CYP3A5: variants seen among roughly 807,000 people sequenced by gnomAD.
CYP3A5 encodes cytochrome P450 family 3 subfamily A member 5, also known as cytochrome P450 3A5.
CYP3A5 carries 51 observed loss-of-function variants against 55.9 expected under a neutral mutation model. The ratio of observed to expected loss-of-function variants is 0.91; its 90% confidence interval spans 0.73 to 1.15. The LOEUF (loss-of-function observed/expected upper bound fraction) is 1.15, where lower values mean the gene tolerates loss of function less well. Ranked by LOEUF, CYP3A5 falls within the 50% of genes most tolerant of loss-of-function variation. The pLI is 0.00. For missense variants in CYP3A5, 533 were observed against 596.6 expected (o/e 0.89, Z 1.11); for synonymous variants, 196 against 213.9 (o/e 0.92, Z 0.73).
At chr7:99,676,659 G>T in intron 1 of CYP3A5, 1 of 775,660 alleles carries the variant, frequency 1.3e-6, no homozygotes, top group South Asian at 1.3e-5. Context: ...ATCACAGAGG[G>T]TCACTGGGAG....
intron 12 of CYP3A5, 141 bp from the exon 13 acceptor site, chr7:99,648,541 C>A: frequency 1.7e-6 from 1 of 571,598 alleles, no homozygotes; most frequent in South Asian, 2.5e-5. Flanking sequence ...TTGAACTCTT[C>A]ATACTTAATC....
chr7:99,663,308 T>TG, intron 8 of CYP3A5: 1 of 994,528 alleles, frequency 1.0e-6, no homozygotes, highest in Non-Finnish European at 1.2e-6. Context: ...GCAGCTTTTT[T>TG]GGGGGAGCAT....
rs779681386 is a variant in CYP3A5 at position 99,667,012 on chromosome 7, T to G, written c.372A>C (p.Glu124Asp). The G allele has an allele frequency of 1.2e-6, 2 of 1,614,170 alleles. No homozygotes were observed. Among genetic ancestry groups the G allele is most frequent in the East Asian group, 2.2e-5 (1 of 44,884 alleles). ...MKSAISLAEDEEWKRIRSLLS... is the reference protein window; with the variant it reads ...MKSAISLAEDDEWKRIRSLLS... ...GCAATGACCGTATTCTCTTCCATTC[T>G]TCATCCTCAGCTAAAGAGATGGCAC... Residue 124 changes from glutamate to aspartate, a missense_variant, in exon 5 of 13, where the codon GAA becomes GAC. Physicochemically the swap from Glu to Asp is conservative, Grantham distance 45. Coordinates refer to ENST00000222982, the MANE Select transcript of CYP3A5 (RefSeq NM_000777.5).
intron 4 of CYP3A5, among the ~76,000 whole-genome samples, chr7:99,667,680 C>G (rs1811176594): frequency 6.6e-6 from 1 of 152,126 alleles, no homozygotes; most frequent in Non-Finnish European, 1.5e-5. Context: ...ACTATCAAGC[C>G]AGCATGCTTG....
chr7:99,656,107 C>T (rs1223142620), intron 10 of CYP3A5, among the ~76,000 whole-genome samples: 1 of 152,158 alleles, frequency 6.6e-6, no homozygotes, highest in African/African-American at 2.4e-5. Context: ...CCAGAACTTC[C>T]AACACTATGT....
chr7:99,660,804 G>T (rs1810364052), intron 9 of CYP3A5, 145 bp from the exon 10 acceptor site: 1 of 951,446 alleles, frequency 1.1e-6, no homozygotes, highest in Non-Finnish European at 1.5e-6. Context: ...TTTTCATTCT[G>T]ATATGTATCT....
In CYP3A5 at chr7:99,677,843, C is replaced by A. The variant is rs767024128; in HGVS notation, c.72-1635G>T. On this transcript the variant is annotated intron_variant, in intron 1 of 12. Coordinates refer to ENST00000222982, the MANE Select transcript of CYP3A5 (RefSeq NM_000777.5). ...CCTGAACTTTAAACACATTACCTGA[C>A]CTCTCAGGTGAGGACAAGCTATTGA... Among the ~76,000 whole-genome samples the A allele has an allele frequency of 5.9e-5, 9 of 152,306 alleles. No homozygotes were observed. In the South Asian group the frequency reaches 1.7e-3, roughly 28 times the overall value.
chr7:99,664,953 G>A (rs1159173744), intron 7 of CYP3A5, among the ~76,000 whole-genome samples: 1 of 152,140 alleles, frequency 6.6e-6, no homozygotes, highest in African/African-American at 2.4e-5. Context: ...AGGGCAGTGG[G>A]GTTTGTGGTG....
At chr7:99,677,185 T>A in intron 1 of CYP3A5, 1 of 985,414 alleles carries the variant, frequency 1.0e-6, no homozygotes, top group Non-Finnish European at 1.2e-6. Flanking sequence ...CTCCAACTGA[T>A]GGTTCTGGAT....
At chr7:99,679,597 C>T (rs1387619519) in intron 1 of CYP3A5, among the ~76,000 whole-genome samples, 1 of 152,136 alleles carries the variant, frequency 6.6e-6, no homozygotes, top group Non-Finnish European at 1.5e-5. Flanking sequence ...AATGCTGTCC[C>T]TAAACCCTCC....
chr7:99,663,815 C>A, intron 8 of CYP3A5, 153 bp downstream of exon 8: 1 of 1,342,474 alleles, frequency 7.4e-7, no homozygotes, highest in South Asian at 2.0e-5. Context: ...CTTCCCCAAT[C>A]TCCTTCTTTA....
At chr7:99,665,377 G>T in intron 6 of CYP3A5, 63 bp from the exon 7 acceptor site, 1 of 1,592,842 alleles carries the variant, frequency 6.3e-7, no homozygotes, top group Non-Finnish European at 8.6e-7. Flanking sequence ...CACTATACAT[G>T]CAGCAAGAAA....
chr7:99,656,022 C>G (rs1352133448), intron 10 of CYP3A5, among the ~76,000 whole-genome samples: 1 of 152,210 alleles, frequency 6.6e-6, no homozygotes, highest in Non-Finnish European at 1.5e-5. Flanking sequence ...ATGTCATCTG[C>G]AAACAGGGAC....
At position 99,676,201 on chromosome 7, in the gene CYP3A5, TCCCATATCTAC is replaced by T; in HGVS notation, c.72-4_78del. ...CTCTTAAAAAGTCCATGTGTACGGG[TCCCATATCTAC>T]AAAGTGAAACAGAAATCAGGTCACA... is the stretch of plus-strand genomic sequence containing the variant. On this transcript the variant is annotated splice_acceptor_variant and splice_polypyrimidine_tract_variant and coding_sequence_variant and intron_variant, in exon 2 of 13. Transcript: ENST00000222982. LOFTEE classifies it high-confidence loss of function. The T allele has an allele frequency of 6.2e-7, 1 of 1,613,632 alleles. No homozygotes were observed. The highest frequency in any genetic ancestry group is 8.5e-7 in the Non-Finnish European group (1 of 1,179,792).
At chr7:99,679,753 G>C in intron 1 of CYP3A5, 73 bp downstream of exon 1, 2 of 1,430,240 alleles carry the variant, frequency 1.4e-6, no homozygotes, top group East Asian at 2.3e-5. Context: ...CTTCAAAACA[G>C]ATAAGGGAAA....
intron 4 of CYP3A5, among the ~76,000 whole-genome samples, chr7:99,672,057 G>C (rs1219637309): frequency 6.6e-6 from 1 of 152,082 alleles, no homozygotes; most frequent in African/African-American, 2.4e-5. Context: ...TGTTGTTGTT[G>C]TTGTTGTTGT....
At chr7:99,668,984 G>A (rs1236482288) in intron 4 of CYP3A5, among the ~76,000 whole-genome samples, 2 of 152,150 alleles carry the variant, frequency 1.3e-5, no homozygotes, top group African/African-American at 4.8e-5. Flanking sequence ...AGACATGTAA[G>A]TATTCTTATT....
intron 10 of CYP3A5, among the ~76,000 whole-genome samples, chr7:99,656,379 A>G (rs559495878): frequency 6.6e-6 from 1 of 152,206 alleles, no homozygotes; most frequent in Non-Finnish European, 1.5e-5. Flanking sequence ...ATGCTGGATT[A>G]TGTTTATTGA....
chr7:99,671,770 C>CTTTCTCT (rs1811660004), intron 4 of CYP3A5: 1 of 701,650 alleles, frequency 1.4e-6, no homozygotes, highest in African/African-American at 1.7e-5. Context: ...TGATATAGAA[C>CTTTCTCT]CTGTCAGAGA....
Sources: allele counts gnomAD v4.1 joint callset (sites outside exome capture counted in the v4.1 genomes callset), GRCh38; gene constraint gnomAD v4.1.1; transcripts MANE v1.5; gene names NCBI Gene and HGNC (gene_info 2026-07-23, HGNC 2026-07-21).